CFAP54: variants seen among roughly 807,000 people sequenced by gnomAD.
CFAP54 encodes the protein cilia and flagella associated protein 54.
In CFAP54, 290 loss-of-function variants were observed where a neutral mutation model predicts 370.4. The observed-to-expected ratio is 0.78, with a 90% confidence interval of 0.71 to 0.86. The LOEUF (loss-of-function observed/expected upper bound fraction) is 0.86, where lower values mean the gene tolerates loss of function less well. CFAP54 is among the 40% of genes least tolerant of loss of function. CFAP54 has a pLI of 0.00. For missense variants in CFAP54, 3,399 were observed against 3,528.7 expected (o/e 0.96, Z 0.93); for synonymous variants, 1,206 against 1,236.5 (o/e 0.98, Z 0.52).
intron 63 of CFAP54, among the ~76,000 whole-genome samples, chr12:96,794,146 A>C (rs775368954): frequency 7.9e-5 from 12 of 152,080 alleles, no homozygotes; most frequent in Admixed American, 3.3e-4. Context: ...GTTATCTGAT[A>C]CTTTTGTGTC....
In CFAP54 at chr12:96,626,910, A is replaced by G. The variant is rs1431691240; in HGVS notation, c.4074A>G (p.Val1358=). The G allele has an allele frequency of 4.2e-6, 6 of 1,428,002 alleles. No homozygotes were observed. The highest frequency in any genetic ancestry group is 5.5e-6 in the Non-Finnish European group (6 of 1,082,082). 88.5% of individuals were successfully genotyped at this position (1,428,002 alleles called of 1,614,324 possible). ...AAAAATTTCATCTTATGGTAGAGGT[A>G]ACAACTCCTGTCCATGACTTCTTGA... The part of the protein sequence containing the change: ...NEEKFHLMVE[V]TTPVHDFLKR... Residue 1358 remains valine (V), a synonymous_variant, in exon 30 of 68, where the codon GTA becomes GTG. Coordinates refer to ENST00000524981, the MANE Select transcript of CFAP54 (RefSeq NM_001306084.2).
intron 39 of CFAP54, among the ~76,000 whole-genome samples, chr12:96,670,016 C>G (rs1421408): frequency 0.25 from 37,544 of 152,078 alleles, 4,804 homozygotes; most frequent in South Asian, 0.29. Flanking sequence ...AATGGAAAGT[C>G]TGTTTCCTGT....
intron 32 of CFAP54, among the ~76,000 whole-genome samples, chr12:96,639,321 A>C (rs1302990858): frequency 6.6e-6 from 1 of 152,254 alleles, no homozygotes; most frequent in Admixed American, 6.5e-5. Context: ...ATGAACTAGA[A>C]AATCTAGAAT....
At chr12:96,496,365 C>T (rs1954954934) in intron 1 of CFAP54, among the ~76,000 whole-genome samples, 1 of 152,212 alleles carries the variant, frequency 6.6e-6, no homozygotes, top group African/African-American at 2.4e-5. Context: ...CAAAATACTA[C>T]AGACCAGGTG....
intron 12 of CFAP54, 125 bp downstream of exon 12, chr12:96,535,725 G>A (rs1430509285): frequency 1.8e-6 from 1 of 558,668 alleles, no homozygotes; most frequent in Non-Finnish European, 3.1e-6. Flanking sequence ...TTAATCATTA[G>A]CATATAGGAT....
At position 96,503,963 on chromosome 12, in the gene CFAP54, G is replaced by A; in HGVS notation, c.501G>A (p.Val167=). 6.6e-7 allele frequency: 1 copy of A among 1,526,160 alleles called. No homozygotes were observed. The highest frequency in any genetic ancestry group is 1.2e-5 in the South Asian group (1 of 81,874). 94.5% of individuals were successfully genotyped at this position (1,526,160 alleles called of 1,614,324 possible). Residue 167 remains valine, a synonymous_variant, in exon 3 of 68, where the codon GTG becomes GTA. Transcript: ENST00000524981. The part of the protein sequence containing the change: ...QFNTNFDENK[V]DVTQFKATFF... Reference sequence around the variant, plus strand: ...ATACCAATTTTGATGAGAATAAAGTGGATGTAACTCAATTCAAAGCTACCT... The same window carrying A: ...ATACCAATTTTGATGAGAATAAAGTAGATGTAACTCAATTCAAAGCTACCT...
At chr12:96,609,349 T>C (rs1019998422) in intron 26 of CFAP54, among the ~76,000 whole-genome samples, 6 of 152,214 alleles carry the variant, frequency 3.9e-5, no homozygotes, top group Admixed American at 2.0e-4. Context: ...AATAAGATTA[T>C]ATGAAAAATG....
chr12:96,772,561 CAA>C (rs1195151815), intron 60 of CFAP54, among the ~76,000 whole-genome samples: 1 of 151,450 alleles, frequency 6.6e-6, no homozygotes, highest in Non-Finnish European at 1.5e-5. Flanking sequence ...CTCCTTATCT[CAA>C]AGTCAGTTGA....
chr12:96,715,496 A>G (rs1442739184), intron 48 of CFAP54, among the ~76,000 whole-genome samples: 3 of 152,182 alleles, frequency 2.0e-5, no homozygotes, highest in Non-Finnish European at 4.4e-5. Flanking sequence ...GAAAGGGAAC[A>G]GTGAAACACT....
chr12:96,576,911 A>G, intron 20 of CFAP54, 150 bp downstream of exon 20: 1 of 689,432 alleles, frequency 1.5e-6, no homozygotes, highest in Non-Finnish European at 2.3e-6. Context: ...TCTTATCTAT[A>G]CTTAGTTTCT....
At chr12:96,814,822 T>A in intron 64 of CFAP54, among the ~76,000 whole-genome samples, 1 of 152,332 alleles carries the variant, frequency 6.6e-6, no homozygotes, top group African/African-American at 2.4e-5. Context: ...TTTCTGTTCC[T>A]GTGTTAGTTT....
intron 26 of CFAP54, among the ~76,000 whole-genome samples, chr12:96,605,208 G>A (rs184981624): frequency 5.6e-4 from 85 of 152,252 alleles, no homozygotes; most frequent in African/African-American, 1.6e-3. Flanking sequence ...ATTATACTGC[G>A]TTAAACCTGC....
chr12:96,639,385 G>C (rs1481989546), intron 32 of CFAP54, among the ~76,000 whole-genome samples: 1 of 152,196 alleles, frequency 6.6e-6, no homozygotes, highest in Admixed American at 6.5e-5. Flanking sequence ...CCAGGAAGAA[G>C]TTGAATCTCT....
rs948744069 is a variant in CFAP54 at position 96,720,399 on chromosome 12, C to T, written c.6805-6C>T. 4 of 1,482,106 alleles carry T rather than the reference C, an allele frequency of 2.7e-6. No homozygotes were observed. The highest frequency in any genetic ancestry group is 2.7e-6 in the Non-Finnish European group (3 of 1,107,496). 91.8% of individuals were successfully genotyped at this position (1,482,106 alleles called of 1,614,324 possible). On this transcript the variant is annotated splice_polypyrimidine_tract_variant and splice_region_variant and intron_variant, in intron 49 of 67. Coordinates refer to ENST00000524981, the MANE Select transcript of CFAP54 (RefSeq NM_001306084.2). Reference sequence around the variant, plus strand: ...ACTCACGTGATGTATGGTATCCTTTCCTTAGTCGATGTTACTGATGGAAGC... The same window carrying T: ...ACTCACGTGATGTATGGTATCCTTTTCTTAGTCGATGTTACTGATGGAAGC...
Position 96,744,021 on chromosome 12 carries a change from T to C in CFAP54, c.7559T>C (p.Met2520Thr), listed in dbSNP as rs1958083501. Residue 2520 changes from methionine (M) to threonine (T), a missense_variant and splice_region_variant, in exon 55 of 68, where the codon ATG becomes ACG. This residue lies in a region of CFAP54 where 2,796 missense variants were observed against 2,869.7 expected (regional missense o/e 0.97). Transcript: ENST00000524981. ...TRAHSILTEQ[M>T]LAFGETIEFR... is the part of the protein sequence containing the mutation. ...TTACAATATTTGTTTTTTTAATAGA[T>C]GCTAGCTTTTGGAGAAACAATTGAA... 1.2e-6 allele frequency: 2 copies of C among 1,609,486 alleles called. No homozygotes were observed. Among genetic ancestry groups the C allele is most frequent in the Non-Finnish European group, 1.7e-6 (2 of 1,178,726 alleles).
intron 19 of CFAP54, among the ~76,000 whole-genome samples, chr12:96,574,631 T>C (rs1302775410): frequency 6.6e-6 from 1 of 152,120 alleles, no homozygotes; most frequent in African/African-American, 2.4e-5. Flanking sequence ...TGATCATGTT[T>C]TTTCTCATTT....
intron 67 of CFAP54, among the ~76,000 whole-genome samples, chr12:96,863,499 C>G (rs1266278453): frequency 6.6e-6 from 1 of 152,182 alleles, no homozygotes; most frequent in Non-Finnish European, 1.5e-5. Flanking sequence ...GGATTTAAAT[C>G]CTCCCGGAAG....
At chr12:96,825,828 T>C (rs1959094026) in intron 65 of CFAP54, among the ~76,000 whole-genome samples, 1 of 133,112 alleles carries the variant, frequency 7.5e-6, no homozygotes, top group African/African-American at 2.8e-5. Flanking sequence ...ATATATAAAT[T>C]AGTATATAAT....
chr12:96,853,872 T>G (rs1443325816), intron 66 of CFAP54, among the ~76,000 whole-genome samples: 1 of 152,006 alleles, frequency 6.6e-6, no homozygotes, highest in East Asian at 1.9e-4. Context: ...ATCTTCATCC[T>G]TTGACAAATG....
Sources: allele counts gnomAD v4.1 joint callset (sites outside exome capture counted in the v4.1 genomes callset), GRCh38; gene constraint gnomAD v4.1.1; regional missense constraint gnomAD v4.1.1; transcripts MANE v1.5; gene names NCBI Gene and HGNC (gene_info 2026-07-23, HGNC 2026-07-21).